Variants in EPN1 observed in about 807,000 individuals in gnomAD.
EPN1 encodes the protein epsin 1.
EPN1 carries 25 observed loss-of-function variants against 56.9 expected under a neutral mutation model. That is an observed-to-expected ratio of 0.44 (90% confidence interval 0.32 to 0.61). The LOEUF (loss-of-function observed/expected upper bound fraction) is 0.61. EPN1 is among the 20% of genes least tolerant of loss of function. The pLI, the probability that EPN1 is intolerant of heterozygous loss-of-function variation, is 0.05. For missense variants in EPN1, 785 were observed against 823.7 expected (o/e 0.95, Z 0.58); for synonymous variants, 411 against 361.8 (o/e 1.14, Z -1.54).
chr19:55,683,046 C>A (rs936646967), intron 2 of EPN1, among the ~76,000 whole-genome samples: 2 of 149,952 alleles, frequency 1.3e-5, no homozygotes, highest in Non-Finnish European at 3.0e-5. Context: ...TGAGCCACCG[C>A]GCCCAGCCTG....
chr19:55,676,562 T>C (rs1328247850), intron 1 of EPN1: 1 of 152,372 alleles, frequency 6.6e-6, no homozygotes, highest in Non-Finnish European at 1.5e-5. Flanking sequence ...CTACTATCTG[T>C]GGGGCACAGA....
intron 2 of EPN1, among the ~76,000 whole-genome samples, chr19:55,679,923 A>C (rs543165870): frequency 6.6e-6 from 1 of 152,138 alleles, no homozygotes; most frequent in East Asian, 1.9e-4. Flanking sequence ...ACGAGGAGGG[A>C]TGGGGCTGGA....
Position 55,701,476 on chromosome 19 carries a change from T to G in EPN1, c.*6120T>G, listed in dbSNP as rs1987138433. 6.6e-6 allele frequency: 1 copy of G among 151,980 alleles called. No individual in the cohort carries two copies. The highest frequency in any genetic ancestry group is 2.4e-5 in the African/African-American group (1 of 41,358). The allele number at this position is 151,980 out of a possible 1,614,324, so 9.4% of individuals were successfully genotyped here. A position where few individuals can be genotyped will look rare whatever the true frequency, so the allele number is the denominator to read the frequency against. ...AAAAAAAAAAAAAAATGATACTGTT[T>G]CCTGTATTTTTTTCTCTTAGTATCT... On this transcript the variant is annotated 3_prime_UTR_variant, in exon 11 of 11. Coordinates refer to ENST00000270460, the MANE Select transcript of EPN1 (RefSeq NM_001130072.2).
chr19:55,693,100 C>T (rs1224149194), intron 9 of EPN1, 63 bp downstream of exon 9: 3 of 1,513,328 alleles, frequency 2.0e-6, no homozygotes, highest in African/African-American at 2.7e-5. Context: ...TTCGGGAGCC[C>T]CGTCCCTTGC....
intron 6 of EPN1, among the ~76,000 whole-genome samples, chr19:55,690,344 C>A (rs542935991): frequency 2.6e-5 from 4 of 152,264 alleles, no homozygotes; most frequent in Admixed American, 6.5e-5. Flanking sequence ...AGGCCGTGTG[C>A]TGCACACCCA....
intron 1 of EPN1, among the ~76,000 whole-genome samples, chr19:55,676,063 C>A (rs1318647275): frequency 6.6e-6 from 1 of 152,178 alleles, no homozygotes; most frequent in Non-Finnish European, 1.5e-5. Flanking sequence ...AGGTGATAGT[C>A]TCTGTGTCAA....
rs1354113823 is a variant in EPN1 at position 55,695,685 on chromosome 19, C to T, written c.*329C>T. ...TTTGAGCCTCCTCGTTCCCCTCACG[C>T]ACCCGCTCACGCACCCTCGGTGAAT... is the stretch of plus-strand genomic sequence containing the variant. On this transcript the variant is annotated 3_prime_UTR_variant, in exon 11 of 11. Coordinates refer to ENST00000270460, the MANE Select transcript of EPN1 (RefSeq NM_001130072.2). The surrounding 1 kb of genome is among the most constrained non-coding windows in gnomAD (Gnocchi z 4.4). The T allele has an allele frequency of 3.2e-5, 11 of 348,812 alleles. No homozygotes were observed. Among genetic ancestry groups the T allele is most frequent in the East Asian group, 3.1e-4 (6 of 19,588 alleles). The allele number at this position is 348,812 out of a possible 1,614,324, so 21.6% of individuals were successfully genotyped here. A position where few individuals can be genotyped will look rare whatever the true frequency, so the allele number is the denominator to read the frequency against.
rs1986549554 is a variant in EPN1, at chr19:55,691,605, T to C, written c.763-149T>C. ...GAGGAGGGAGGCCAGGTGGTGTGTT[T>C]GGGGCCTGCCTCCCTCTCACCCCTT... On this transcript the variant is annotated intron_variant, in intron 6 of 10. Transcript: ENST00000270460. This position sits in a 1 kb window ranked among gnomAD's most constrained non-coding sequence, Gnocchi z 5.6. 2 of 673,872 alleles carry C rather than the reference T, an allele frequency of 3.0e-6. No individual in the cohort carries two copies. Among genetic ancestry groups the C allele is most frequent in the South Asian group, 3.6e-5 (2 of 55,346 alleles). 41.7% of individuals were successfully genotyped at this position (673,872 alleles called of 1,614,324 possible).
rs879420340 is a variant in EPN1, at chr19:55,706,680, G to GGAGAGATTTAAAAAACAATAGTAAA, written c.*11358_*11382dup. The GGAGAGATTTAAAAAACAATAGTAAA allele has an allele frequency of 2.1e-4, 32 of 149,766 alleles. No individual in the cohort carries two copies. The highest frequency in any genetic ancestry group is 6.4e-4 in the African/African-American group (26 of 40,602). The allele number at this position is 149,766 out of a possible 1,614,324, so 9.3% of individuals were successfully genotyped here. On this transcript the variant is annotated 3_prime_UTR_variant, in exon 11 of 11. Coordinates refer to ENST00000270460, the MANE Select transcript of EPN1 (RefSeq NM_001130072.2). ...AAGAAAGAAAAGAGGGGAAGGGAAG[G>GGAGAGATTTAAAAAACAATAGTAAA]GAGAGATTTAAAAAACAATAGTAAA...
intron 1 of EPN1, chr19:55,677,169 T>C: frequency 1.9e-6 from 3 of 1,551,222 alleles, no homozygotes; most frequent in Non-Finnish European, 2.6e-6. Flanking sequence ...TGGAGCCGCA[T>C]AGATGGGTGA....
chr19:55,692,202 G>C, intron 7 of EPN1, 145 bp downstream of exon 7: 3 of 700,142 alleles, frequency 4.3e-6, no homozygotes, highest in Non-Finnish European at 6.5e-6. Flanking sequence ...GGCAAGGGCG[G>C]GGGTCAGATG....
chr19:55,688,478 C>G (rs1393976489), intron 3 of EPN1, among the ~76,000 whole-genome samples: 1 of 152,108 alleles, frequency 6.6e-6, no homozygotes, highest in Admixed American at 6.5e-5. Flanking sequence ...CTCAACAAGC[C>G]CTGGAAACAG....
At chr19:55,682,642 A>C (rs1321766919) in intron 2 of EPN1, among the ~76,000 whole-genome samples, 1 of 152,070 alleles carries the variant, frequency 6.6e-6, no homozygotes, top group Non-Finnish European at 1.5e-5. Flanking sequence ...CATGTCACCC[A>C]CGATGGTCTT....
In EPN1 at chr19:55,705,413, C is replaced by G. The variant is rs949743921; in HGVS notation, c.*10057C>G. ...CTGTAATTCCAGCAGTTTGGGAGGC[C>G]GGGGCGAATGGATGACTTGAGGTCA... On this transcript the variant is annotated 3_prime_UTR_variant, in exon 11 of 11. Coordinates refer to ENST00000270460, the MANE Select transcript of EPN1 (RefSeq NM_001130072.2). 2 of 152,170 alleles carry G rather than the reference C, an allele frequency of 1.3e-5. No individual in the cohort carries two copies. The highest frequency in any genetic ancestry group is 4.8e-5 in the African/African-American group (2 of 41,436). The allele number at this position is 152,170 out of a possible 1,614,324, so 9.4% of individuals were successfully genotyped here.
At chr19:55,676,469 A>G (rs998346476) in intron 1 of EPN1, among the ~76,000 whole-genome samples, 1 of 152,200 alleles carries the variant, frequency 6.6e-6, no homozygotes, top group East Asian at 1.9e-4. Context: ...GAGTATTAAG[A>G]TAGTGCCTTT....
In EPN1 at chr19:55,688,766, G is replaced by T. The variant is rs990040183; in HGVS notation, c.479-104G>T. 127 of 1,485,652 alleles carry T rather than the reference G, an allele frequency of 8.5e-5. No homozygotes were observed. In the African/African-American group the frequency reaches 1.7e-3, roughly 20 times the overall value. The allele number at this position is 1,485,652 out of a possible 1,614,324, so 92.0% of individuals were successfully genotyped here. A position where few individuals can be genotyped will look rare whatever the true frequency, so the allele number is the denominator to read the frequency against. ...GCAGAGGTTGTAGGGTGGGGGACTT[G>T]GGGGGTGGGGTTGGACACAGAAGCC... On this transcript the variant is annotated intron_variant, in intron 3 of 10. Transcript: ENST00000270460.
chr19:55,687,757 A>T lies in EPN1; in HGVS notation c.479-1113A>T, dbSNP rs912576125. Among the ~76,000 whole-genome samples, 4 of 151,882 alleles carry T rather than the reference A, an allele frequency of 2.6e-5. No homozygotes were observed. The East Asian group carries it at 7.8e-4, about 30-fold the overall frequency. ...TTCTCTCGTCCTTTCCTCACTCATA[A>T]CCCCAGATGGTCACCCTTCGGCCCC... On this transcript the variant is annotated intron_variant, in intron 3 of 10. Coordinates refer to ENST00000270460, the MANE Select transcript of EPN1 (RefSeq NM_001130072.2).
chr19:55,691,889 C>G lies in EPN1; in HGVS notation c.898C>G (p.Pro300Ala). 1 of 1,600,426 alleles carries G rather than the reference C, an allele frequency of 6.2e-7. No homozygotes were observed. Among genetic ancestry groups the G allele is most frequent in the African/African-American group, 1.3e-5 (1 of 74,768 alleles). ...APTSDPWGGP[P>A]VPPAADPWGG... ...CACCTCGGACCCCTGGGGCGGCCCC[C>G]CTGTCCCTCCAGCTGCTGATCCCTG... The change falls in exon 7 of 11, where the codon CCT becomes GCT. Residue 300 changes from proline (P) to alanine (A), a missense_variant. Physicochemically the swap from Pro to Ala is conservative, Grantham distance 27. Around this residue, in one of 2 missense-constraint regions of EPN1, gnomAD observed 650 missense variants for 605.0 expected, o/e 1.07. Transcript: ENST00000270460. This position sits in a 1 kb window ranked among gnomAD's most constrained non-coding sequence, Gnocchi z 5.6.
rs1160497011 is a variant in EPN1 at position 55,696,523 on chromosome 19, C to T, written c.*1167C>T. The T allele has an allele frequency of 6.6e-6, 1 of 152,400 alleles. No homozygotes were observed. Among genetic ancestry groups the T allele is most frequent in the Admixed American group, 6.5e-5 (1 of 15,276 alleles). 9.4% of individuals were successfully genotyped at this position (152,400 alleles called of 1,614,324 possible). A position where few individuals can be genotyped will look rare whatever the true frequency, so the allele number is the denominator to read the frequency against. The stretch of plus-strand genomic sequence containing the variant: ...GCTGGGTTCGCTCCCTCAGTGACTC[C>T]GACAGCTCTTGTCTCAGAGGTGCTG... On this transcript the variant is annotated 3_prime_UTR_variant, in exon 11 of 11. Coordinates refer to ENST00000270460, the MANE Select transcript of EPN1 (RefSeq NM_001130072.2).
Sources: gnomAD v4.1 joint callset for allele counts (sites outside exome capture counted in the v4.1 genomes callset) on GRCh38, gnomAD v4.1.1 for gene constraint, gnomAD v4.1.1 regional missense constraint, Gnocchi (gnomAD v3.1) non-coding constraint, MANE v1.5 for transcripts, NCBI Gene and HGNC (gene_info 2026-07-23, HGNC 2026-07-21) for gene names.